Variants in IL1RAPL2 observed in about 807,000 individuals in gnomAD.
IL1RAPL2 encodes interleukin 1 receptor accessory protein like 2, also known as X-linked interleukin-1 receptor accessory protein-like 2.
IL1RAPL2 carries 3 observed loss-of-function variants against 44.1 expected under a neutral mutation model. The ratio of observed to expected loss-of-function variants is 0.07; its 90% CI spans 0.03 to 0.18. The LOEUF is 0.18. Ranked by LOEUF, IL1RAPL2 falls within the 10% of genes least tolerant of loss-of-function variation. The pLI is 1.00. For synonymous variants in IL1RAPL2, 181 were observed against 178.8 expected (o/e 1.01, Z -0.10); for missense variants, 391 against 496.4 (o/e 0.79, Z 2.02).
At chrX:105,653,978 AACACACACAC>A (rs767662311) in intron 6 of IL1RAPL2, among the ~76,000 whole-genome samples, 47 of 109,605 alleles carry the variant, frequency 4.3e-4, no homozygotes, top group Non-Finnish European at 9.5e-5. Context: ...CACACACACA[AACACACACAC>A]ACACGCACAC....
chrX:105,396,068 G>C (rs1004429510), intron 5 of IL1RAPL2, among the ~76,000 whole-genome samples: 2 of 111,354 alleles, frequency 1.8e-5, no homozygotes, highest in Admixed American at 1.9e-4. Flanking sequence ...TCTGGTATTT[G>C]TATGGAAGAT....
intron 5 of IL1RAPL2, among the ~76,000 whole-genome samples, chrX:105,354,937 T>C (rs1008624024): frequency 2.7e-5 from 3 of 111,790 alleles, no homozygotes; most frequent in African/African-American, 9.7e-5. Flanking sequence ...CTCTACCCAA[T>C]TGCTCAAGCT....
At chrX:104,602,443 A>G (rs898253107) in intron 1 of IL1RAPL2, among the ~76,000 whole-genome samples, 1 of 111,384 alleles carries the variant, frequency 9.0e-6, no homozygotes, top group African/African-American at 3.3e-5. Flanking sequence ...CTTTTTCTCC[A>G]TACCCCAATG....
chrX:105,677,655 A>C (rs974917912), intron 6 of IL1RAPL2, among the ~76,000 whole-genome samples: 1 of 111,096 alleles, frequency 9.0e-6, no homozygotes, highest in African/African-American at 3.3e-5. Context: ...GATCTGAAAG[A>C]TTTTTTTTGG....
rs1313654219 is a variant in IL1RAPL2 at position 104,743,192 on chromosome X, T to G, written c.82+84197T>G. ...TGTTTACTCTCTTTACTCCGAGTGC[T>G]TCTTTTCAATGTTCTTAAATATACA... On this transcript the variant is annotated intron_variant, in intron 2 of 10. Transcript: ENST00000372582. Among the ~76,000 whole-genome samples the G allele has an allele frequency of 5.4e-5, 6 of 111,234 alleles. No homozygotes were observed. In the Admixed American group the frequency reaches 5.8e-4, roughly 11 times the overall value.
intron 6 of IL1RAPL2, among the ~76,000 whole-genome samples, chrX:105,657,583 T>A (rs1387094295): frequency 8.9e-6 from 1 of 112,048 alleles, no homozygotes; most frequent in Non-Finnish European, 1.9e-5. Flanking sequence ...CATGTAGTGG[T>A]GTACTAAAAG....
At chrX:105,447,607 A>G (rs1405595169) in intron 5 of IL1RAPL2, among the ~76,000 whole-genome samples, 1 of 75,408 alleles carries the variant, frequency 1.3e-5, no homozygotes, top group East Asian at 4.4e-4. Context: ...AAATAAATAT[A>G]AATATATAAA....
At chrX:105,577,148 C>T (rs926838382) in intron 6 of IL1RAPL2, among the ~76,000 whole-genome samples, 5 of 111,206 alleles carry the variant, frequency 4.5e-5, no homozygotes, top group East Asian at 2.8e-4. Context: ...CTGGGAGAAG[C>T]GGCTGAATAT....
chrX:104,670,167 CA>C (rs932418950), intron 2 of IL1RAPL2, among the ~76,000 whole-genome samples: 1 of 111,048 alleles, frequency 9.0e-6, no homozygotes, highest in Admixed American at 9.5e-5. Flanking sequence ...AGTCCAAGTC[CA>C]AAAGCCTCAA....
chrX:105,436,574 C>A (rs149845403), intron 5 of IL1RAPL2, among the ~76,000 whole-genome samples: 106 of 110,997 alleles, frequency 9.5e-4, no homozygotes, highest in African/African-American at 3.3e-3. Context: ...AACCAATTCA[C>A]AGAAAAGTTT....
At chrX:105,721,270 G>C (rs1343025948) in intron 7 of IL1RAPL2, among the ~76,000 whole-genome samples, 1 of 110,406 alleles carries the variant, frequency 9.1e-6, no homozygotes, top group African/African-American at 3.3e-5. Context: ...ACAAAAATTA[G>C]CTGGGCATGG....
intron 8 of IL1RAPL2, among the ~76,000 whole-genome samples, chrX:105,748,428 A>T (rs1415216972): frequency 1.8e-5 from 2 of 112,188 alleles, no homozygotes; most frequent in Non-Finnish European, 3.8e-5. Context: ...TTACCTGCTT[A>T]CCTTATATTG....
intron 6 of IL1RAPL2, among the ~76,000 whole-genome samples, chrX:105,681,244 G>T (rs1403610799): frequency 9.0e-6 from 1 of 110,930 alleles, no homozygotes; most frequent in Non-Finnish European, 1.9e-5. Flanking sequence ...GACTTGCTTT[G>T]GGGGAGAACA....
rs112921669 is a variant in IL1RAPL2 at position 105,195,609 on chromosome X, A to C, written c.217A>C (p.Arg73=). ...TAGCACGGCCCAGAGCACTGGGCTCAGGCTTATGTGGTACAAAAACAAAGG... is the reference window on the plus strand; with the variant it reads ...TAGCACGGCCCAGAGCACTGGGCTCCGGCTTATGTGGTACAAAAACAAAGG... ...NYSTAQSTGL[R]LMWYKNKGDL... Residue 73 remains arginine (R), a synonymous_variant, in exon 3 of 11, where the codon AGG becomes CGG. Coordinates refer to ENST00000372582, the MANE Select transcript of IL1RAPL2 (RefSeq NM_017416.2). 3.3e-6 allele frequency: 4 copies of C among 1,210,515 alleles called. No homozygotes were observed. The highest frequency in any genetic ancestry group is 4.5e-6 in the Non-Finnish European group (4 of 895,253).
In IL1RAPL2 at chrX:105,767,178, T is replaced by C. The variant is rs2038738639; in HGVS notation, c.1578T>C (p.Arg526=). The C allele has an allele frequency of 8.3e-7, 1 of 1,210,480 alleles. No homozygotes were observed. The highest frequency in any genetic ancestry group is 1.1e-6 in the Non-Finnish European group (1 of 894,312). Residue 526 remains arginine (R), a synonymous_variant, in exon 11 of 11, where the codon CGT becomes CGC. Coordinates refer to ENST00000372582, the MANE Select transcript of IL1RAPL2 (RefSeq NM_017416.2). ...VNCQEVESLK[R]SIKLLSLIKW... ...GCCAGGAAGTGGAATCACTAAAGCG[T>C]AGCATCAAACTTCTGTCCCTGATCA...
chrX:105,759,807 C>T (rs1228403010), intron 10 of IL1RAPL2, among the ~76,000 whole-genome samples: 1 of 112,156 alleles, frequency 8.9e-6, no homozygotes, highest in Non-Finnish European at 1.9e-5. Flanking sequence ...CTAGTCACTT[C>T]TGAAGTGAGG....
chrX:105,257,286 C>T (rs986183011), intron 4 of IL1RAPL2, among the ~76,000 whole-genome samples: 17 of 111,961 alleles, frequency 1.5e-4, no homozygotes, highest in Non-Finnish European at 2.4e-4. Context: ...ATTTTTATTA[C>T]ACTGATCTGA....
intron 5 of IL1RAPL2, among the ~76,000 whole-genome samples, chrX:105,418,741 G>C (rs1719001173): frequency 9.0e-6 from 1 of 111,445 alleles, no homozygotes; most frequent in Admixed American, 9.6e-5. Context: ...ATGGGAATTT[G>C]TTCTTTAAAA....
intron 1 of IL1RAPL2, among the ~76,000 whole-genome samples, chrX:104,597,154 G>A (rs776959158): frequency 4.6e-4 from 51 of 110,035 alleles, no homozygotes; most frequent in Middle Eastern, 4.7e-3. Flanking sequence ...GACCAGCCTG[G>A]GCAACACAGT....
Sources: allele counts gnomAD v4.1 joint callset (sites outside exome capture counted in the v4.1 genomes callset), GRCh38; gene constraint gnomAD v4.1.1; transcripts MANE v1.5; gene names NCBI Gene and HGNC (gene_info 2026-07-23, HGNC 2026-07-21).